Variants in CCDC141 observed in about 807,000 individuals in gnomAD.
CCDC141 encodes the protein coiled-coil domain containing 141, also known as coiled-coil domain-containing protein 141.
CCDC141 carries 168 observed loss-of-function variants against 181.0 expected under a neutral mutation model. The ratio of observed to expected loss-of-function variants is 0.93; its 90% CI spans 0.82 to 1.05. The LOEUF (loss-of-function observed/expected upper bound fraction) is 1.05, where lower values mean the gene tolerates loss of function less well. Among genes scored for constraint, CCDC141 ranks in the 50% least tolerant of loss-of-function variants. The pLI, the probability that CCDC141 is intolerant of heterozygous loss-of-function variation, is 0.00. For missense variants in CCDC141, 1,902 were observed against 1,788.5 expected (o/e 1.06, Z -1.14); for synonymous variants, 666 against 642.3 (o/e 1.04, Z -0.56).
chr2:179,037,597 A>G (rs1386035420), intron 2 of CCDC141, among the ~76,000 whole-genome samples: 1 of 152,244 alleles, frequency 6.6e-6, no homozygotes, highest in African/African-American at 2.4e-5. Context: ...TAAATCATGT[A>G]TCTGATAAGG....
intron 6 of CCDC141, among the ~76,000 whole-genome samples, chr2:178,934,039 T>A (rs1474016800): frequency 6.6e-6 from 1 of 152,150 alleles, no homozygotes; most frequent in Non-Finnish European, 1.5e-5. Context: ...CATTTTTTTT[T>A]AGGCTGGATG....
intron 6 of CCDC141, among the ~76,000 whole-genome samples, chr2:178,925,633 C>T (rs1688880922): frequency 6.6e-6 from 1 of 152,132 alleles, no homozygotes; most frequent in Admixed American, 6.5e-5. Context: ...AGTGTCTTGT[C>T]CCTGTTTTTC....
chr2:178,986,542 T>A (rs1203373242), intron 2 of CCDC141, among the ~76,000 whole-genome samples: 2 of 152,132 alleles, frequency 1.3e-5, no homozygotes, highest in Non-Finnish European at 2.9e-5. Flanking sequence ...TGTTTGCAGA[T>A]GACATGATTG....
In CCDC141 at chr2:178,832,497, A is replaced by C. The variant is rs1684296783; in HGVS notation, c.*1676T>G. On this transcript the variant is annotated 3_prime_UTR_variant, in exon 24 of 24. Transcript: ENST00000443758. ...AAAAAAAAAAAACAAAAAAAACAAA[A>C]AAAAGATAGTTAAGAGAAATTTCCT... The C allele has an allele frequency of 6.6e-6, 1 of 151,546 alleles. No homozygotes were observed. The highest frequency in any genetic ancestry group is 1.5e-5 in the Non-Finnish European group (1 of 67,920). 9.4% of individuals were successfully genotyped at this position (151,546 alleles called of 1,614,324 possible).
intron 7 of CCDC141, among the ~76,000 whole-genome samples, chr2:178,907,142 C>A (rs1688007936): frequency 6.6e-6 from 1 of 152,174 alleles, no homozygotes; most frequent in South Asian, 2.1e-4. Flanking sequence ...GGACTACATG[C>A]TTGCTTCAAT....
chr2:178,959,457 C>T (rs999199877), intron 5 of CCDC141, among the ~76,000 whole-genome samples: 2 of 152,110 alleles, frequency 1.3e-5, no homozygotes, highest in Middle Eastern at 3.4e-3. Flanking sequence ...CTAAAATATA[C>T]CCACTCATGC....
chr2:178,875,128 A>G (rs1686302596), intron 12 of CCDC141: 1 of 152,220 alleles, frequency 6.6e-6, no homozygotes. Flanking sequence ...AAGAAGGGTG[A>G]CCCTTTCTAG....
intron 2 of CCDC141, among the ~76,000 whole-genome samples, chr2:179,023,291 C>G (rs141814210): frequency 6.6e-6 from 1 of 152,250 alleles, no homozygotes; most frequent in East Asian, 1.9e-4. Flanking sequence ...GTAGGTATTA[C>G]TACCTCCATT....
chr2:179,031,056 A>G (rs889863075), intron 2 of CCDC141, among the ~76,000 whole-genome samples: 1 of 152,104 alleles, frequency 6.6e-6, no homozygotes, highest in Non-Finnish European at 1.5e-5. Context: ...TCAAATTCTG[A>G]TGTGCTATGA....
rs1553502900 is a variant in CCDC141 at position 179,015,288 on chromosome 2, T to TATATCTCATCTATATCATAC, written c.225+31995_225+31996insGTATGATATAGATGAGATAT. Among the ~76,000 whole-genome samples, 1,002 of 124,244 alleles carry TATATCTCATCTATATCATAC rather than the reference T, an allele frequency of 8.1e-3. 30 individuals carry two copies. The highest frequency in any genetic ancestry group is 0.024 in the African/African-American group (847 of 35,000). The allele number at this position is 124,244 out of a possible 152,430, so 81.5% of individuals were successfully genotyped here. A position where few individuals can be genotyped will look rare whatever the true frequency, so the allele number is the denominator to read the frequency against. On this transcript the variant is annotated intron_variant, in intron 2 of 23. Transcript: ENST00000443758. Reference sequence around the variant, plus strand: ...TCATATATATCTCATCTATCTCTCATATATCTCATATATGTATCATACATA... The same window carrying TATATCTCATCTATATCATAC: ...TCATATATATCTCATCTATCTCTCATATATCTCATCTATATCATACATATCTCATATATGTATCATACATA...
intron 6 of CCDC141, among the ~76,000 whole-genome samples, chr2:178,940,658 G>C (rs999065077): frequency 6.6e-6 from 1 of 152,002 alleles, no homozygotes; most frequent in African/African-American, 2.4e-5. Flanking sequence ...AGTCACAAGG[G>C]AATCACAAAA....
intron 11 of CCDC141, among the ~76,000 whole-genome samples, chr2:178,879,340 T>C (rs1686490002): frequency 6.6e-6 from 1 of 152,218 alleles, no homozygotes; most frequent in South Asian, 2.1e-4. Flanking sequence ...TTAGTCACTA[T>C]ATTTTAAAGA....
intron 2 of CCDC141, among the ~76,000 whole-genome samples, chr2:179,023,746 T>C (rs1356565361): frequency 6.6e-6 from 1 of 152,152 alleles, no homozygotes; most frequent in African/African-American, 2.4e-5. Flanking sequence ...CAAACTAACA[T>C]TAAAAGCAAT....
chr2:178,886,768 A>C lies in CCDC141; in HGVS notation c.1511T>G (p.Leu504Arg). ...TTTATTTACCTTAGCTTGGATATCT[A>C]GTTCCAGATATTTATTCAAAATCTT... ...SEKILNKYLE[L>R]DIQAKETSHE... is the part of the protein sequence containing the mutation. The change falls in exon 10 of 24, where the codon CTA (leucine) becomes CGA (arginine). Residue 504 changes from leucine (L) to arginine (R), a missense_variant. Coordinates refer to ENST00000443758, the MANE Select transcript of CCDC141 (RefSeq NM_173648.4). The C allele has an allele frequency of 6.9e-7, 1 of 1,441,912 alleles. No homozygotes were observed. The highest frequency in any genetic ancestry group is 9.3e-7 in the Non-Finnish European group (1 of 1,076,354). The allele number at this position is 1,441,912 out of a possible 1,614,324, so 89.3% of individuals were successfully genotyped here.
intron 2 of CCDC141, among the ~76,000 whole-genome samples, chr2:179,006,678 G>C (rs2042131989): frequency 6.6e-6 from 1 of 152,118 alleles, no homozygotes; most frequent in Non-Finnish European, 1.5e-5. Flanking sequence ...ATCCAGGGTT[G>C]GCGAGAGACA....
chr2:178,970,968 G>C (rs535582188), intron 4 of CCDC141, among the ~76,000 whole-genome samples: 1 of 152,210 alleles, frequency 6.6e-6, no homozygotes, highest in Non-Finnish European at 1.5e-5. Context: ...CCAGCACTTC[G>C]GGAGGCTGAG....
intron 2 of CCDC141, among the ~76,000 whole-genome samples, chr2:179,015,855 T>C (rs964266186): frequency 1.4e-5 from 2 of 142,024 alleles, no homozygotes; most frequent in African/African-American, 5.1e-5. Flanking sequence ...ATATCTCATA[T>C]ATATCTCATA....
intron 2 of CCDC141, among the ~76,000 whole-genome samples, chr2:179,019,752 T>C (rs2042641581): frequency 1.3e-5 from 2 of 151,566 alleles, no homozygotes; most frequent in African/African-American, 2.4e-5. Context: ...TTTTTATAAA[T>C]ATTTATTATT....
rs1558941729 is a variant in CCDC141, at chr2:178,869,248, C to CTCTGTT, written c.2262_2263insAACAGA (p.Arg754_Gly755insAsnArg). The CTCTGTT allele has an allele frequency of 7.4e-6, 12 of 1,613,494 alleles. No individual in the cohort carries two copies. The highest frequency in any genetic ancestry group is 1.0e-5 in the Non-Finnish European group (12 of 1,179,732). On this transcript the variant is annotated inframe_insertion, in exon 15 of 24. Transcript: ENST00000443758. Reference sequence around the variant, plus strand: ...TGAGACTTTTCTTTTACAGGGGCTCCTCTGCCAGTTAACTCCTCTGATTCT... The same window carrying CTCTGTT: ...TGAGACTTTTCTTTTACAGGGGCTCCTCTGTTTCTGCCAGTTAACTCCTCTGATTCT...
Sources: gnomAD v4.1 joint callset for allele counts (sites outside exome capture counted in the v4.1 genomes callset) on GRCh38, gnomAD v4.1.1 for gene constraint, MANE v1.5 for transcripts, NCBI Gene and HGNC (gene_info 2026-07-23, HGNC 2026-07-21) for gene names.